Variants in HDAC4 observed in about 807,000 individuals in gnomAD.
HDAC4 encodes the protein histone deacetylase A.
HDAC4 carries 16 observed loss-of-function variants against 135.1 expected under a neutral mutation model. The observed-to-expected ratio is 0.12, with a 90% CI of 0.08 to 0.18. The LOEUF (loss-of-function observed/expected upper bound fraction) is 0.18. Ranked by LOEUF, HDAC4 falls within the 10% of genes least tolerant of loss-of-function variation. The probability of loss-of-function intolerance (pLI) is 1.00; values close to 1 mark genes in which losing one functional copy is unlikely to be tolerated. For missense variants in HDAC4, 1,143 were observed against 1,511.8 expected (o/e 0.76, Z 4.05); for synonymous variants, 685 against 653.4 (o/e 1.05, Z -0.74).
intron 3 of HDAC4, among the ~76,000 whole-genome samples, chr2:239,193,204 C>T (rs879936712): frequency 6.6e-6 from 1 of 152,246 alleles, no homozygotes; most frequent in African/African-American, 2.4e-5. Flanking sequence ...ACCACAGGCG[C>T]TGGGCAGAGG....
intron 1 of HDAC4, among the ~76,000 whole-genome samples, chr2:239,372,377 G>A (rs1183282151): frequency 2.6e-5 from 4 of 152,198 alleles, no homozygotes; most frequent in African/African-American, 9.6e-5. Flanking sequence ...TACAAAAGTC[G>A]TTGTTACCAC....
intron 22 of HDAC4, among the ~76,000 whole-genome samples, chr2:239,072,403 C>T (rs1388393584): frequency 6.6e-6 from 1 of 152,200 alleles, no homozygotes; most frequent in African/African-American, 2.4e-5. Flanking sequence ...GTCCCCTCAC[C>T]AAGCCCTTGT....
At chr2:239,273,076 C>T (rs2050143842) in intron 2 of HDAC4, among the ~76,000 whole-genome samples, 1 of 152,098 alleles carries the variant, frequency 6.6e-6, no homozygotes, top group Non-Finnish European at 1.5e-5. Context: ...GATGCTCAAA[C>T]GGACTTTACA....
rs193260162 is a variant in HDAC4, at chr2:239,054,869, A to C, written c.3004-36T>G. On this transcript the variant is annotated intron_variant, in intron 24 of 26. Transcript: ENST00000543185. ...ATGCATAAGAATATAAAGACTGCCAATATAATCCACACGTGCGTTAGACGG... is the reference window on the plus strand; with the variant it reads ...ATGCATAAGAATATAAAGACTGCCACTATAATCCACACGTGCGTTAGACGG... 1.5e-4 allele frequency: 205 copies of C among 1,397,716 alleles called. No homozygotes were observed. The African/African-American group carries it at 2.7e-3, about 18-fold the overall frequency. The allele number at this position is 1,397,716 out of a possible 1,614,324, so 86.6% of individuals were successfully genotyped here. A position where few individuals can be genotyped will look rare whatever the true frequency, so the allele number is the denominator to read the frequency against.
At position 239,285,456 on chromosome 2, in the gene HDAC4, G is replaced by A. The variant is rs1413904331; in HGVS notation, c.23-48792C>T. On this transcript the variant is annotated intron_variant, in intron 2 of 26. Transcript: ENST00000543185. This position sits in a 1 kb window ranked among gnomAD's most constrained non-coding sequence, Gnocchi z 4.5. ...AGGCTGGGGCTTCGCTAGTGTGCGG[G>A]GAGGCAGAGGAGCAGTGCCGGCTGC... 1.3e-5 allele frequency among the ~76,000 whole-genome samples: 2 copies of A among 152,202 alleles called. No homozygotes were observed. The highest frequency in any genetic ancestry group is 2.9e-5 in the Non-Finnish European group (2 of 68,032).
Position 239,240,004 on chromosome 2 carries a change from C to T in HDAC4, c.23-3340G>A, listed in dbSNP as rs764006427. ...CCACAGTCTCTTTAAGACAAGATCC[C>T]GGCCTGAGCCGTCCTTGGTCGTCCA... On this transcript the variant is annotated intron_variant, in intron 2 of 26. Coordinates refer to ENST00000543185, the MANE Select transcript of HDAC4 (RefSeq NM_001378414.1). This position sits in a 1 kb window ranked among gnomAD's most constrained non-coding sequence, Gnocchi z 4.5. Among the ~76,000 whole-genome samples the T allele has an allele frequency of 3.3e-5, 5 of 152,242 alleles. No individual in the cohort carries two copies. The highest frequency in any genetic ancestry group is 5.9e-5 in the Non-Finnish European group (4 of 68,042).
intron 3 of HDAC4, among the ~76,000 whole-genome samples, chr2:239,204,213 G>C (rs1453302117): frequency 6.6e-6 from 1 of 152,206 alleles, no homozygotes; most frequent in Non-Finnish European, 1.5e-5. Flanking sequence ...GGCCGGCCGT[G>C]TCCCGGCGTC....
intron 2 of HDAC4, among the ~76,000 whole-genome samples, chr2:239,326,487 G>A (rs548888035): frequency 3.9e-5 from 6 of 152,144 alleles, no homozygotes; most frequent in African/African-American, 1.2e-4. Context: ...TGAACTGTGC[G>A]CTTCAAAATG....
chr2:239,083,156 G>A (rs2035521512), intron 20 of HDAC4, among the ~76,000 whole-genome samples: 1 of 152,242 alleles, frequency 6.6e-6, no homozygotes, highest in South Asian at 2.1e-4. Flanking sequence ...TGTGTACATG[G>A]GCAATATCAC....
chr2:239,068,918 G>A lies in HDAC4; in HGVS notation c.2751-311C>T, dbSNP rs1247803489. 60 of 272,782 alleles carry A rather than the reference G, an allele frequency of 2.2e-4. 1 individual carries two copies. Among genetic ancestry groups the A allele is most frequent in the East Asian group, 1.3e-3 (15 of 11,664 alleles). The allele number at this position is 272,782 out of a possible 1,614,324, so 16.9% of individuals were successfully genotyped here. Reference sequence around the variant, plus strand: ...CACTGCACTTGCTTGGTGAGAGGGAGTCACGGTGCAAGCCAGCAAGCCCCA... The same window carrying A: ...CACTGCACTTGCTTGGTGAGAGGGAATCACGGTGCAAGCCAGCAAGCCCCA... On this transcript the variant is annotated intron_variant, in intron 22 of 26. Coordinates refer to ENST00000543185, the MANE Select transcript of HDAC4 (RefSeq NM_001378414.1). The surrounding 1 kb of genome is among the most constrained non-coding windows in gnomAD (Gnocchi z 4.4).
chr2:239,245,760 C>T lies in HDAC4; in HGVS notation c.23-9096G>A, dbSNP rs887658586. On this transcript the variant is annotated intron_variant, in intron 2 of 26. Transcript: ENST00000543185. This position sits in a 1 kb window ranked among gnomAD's most constrained non-coding sequence, Gnocchi z 4.4. ...TTTCAAGAGATGCCAGGAATAAAGA[C>T]GAGCCTGCCCCCACCTTCTATTCAA... Among the ~76,000 whole-genome samples the T allele has an allele frequency of 3.9e-5, 6 of 152,142 alleles. No individual in the cohort carries two copies. Among genetic ancestry groups the T allele is most frequent in the African/African-American group, 9.7e-5 (4 of 41,416 alleles).
intron 2 of HDAC4, among the ~76,000 whole-genome samples, chr2:239,350,378 G>A (rs565988087): frequency 1.1e-4 from 16 of 151,214 alleles, no homozygotes; most frequent in Non-Finnish European, 1.9e-4. Flanking sequence ...CCAAGAAATC[G>A]AGCAGACAGA....
chr2:239,208,097 C>A (rs189328150), intron 3 of HDAC4, among the ~76,000 whole-genome samples: 4 of 151,376 alleles, frequency 2.6e-5, no homozygotes, highest in East Asian at 1.9e-4. Flanking sequence ...CTGAGACAGG[C>A]GGATCACGAG....
chr2:239,297,633 G>T (rs2051989075), intron 2 of HDAC4, among the ~76,000 whole-genome samples: 1 of 152,178 alleles, frequency 6.6e-6, no homozygotes, highest in Admixed American at 6.5e-5. Context: ...GAGGCCTGGG[G>T]ATGCCAGGCC....
chr2:239,383,397 C>T (rs1365200385), intron 1 of HDAC4, among the ~76,000 whole-genome samples: 2 of 152,140 alleles, frequency 1.3e-5, no homozygotes, highest in Non-Finnish European at 2.9e-5. Flanking sequence ...AGCTGCCTCT[C>T]GGGAGATGGA....
At chr2:239,091,776 G>A (rs1008298475) in intron 17 of HDAC4, 1 of 152,146 alleles carries the variant, frequency 6.6e-6, no homozygotes, top group African/African-American at 2.4e-5. Flanking sequence ...TTAGCCAGAT[G>A]TGGGCCGGGC....
At chr2:239,284,434 G>A (rs573462801) in intron 2 of HDAC4, among the ~76,000 whole-genome samples, 94 of 152,254 alleles carry the variant, frequency 6.2e-4, no homozygotes, top group Non-Finnish European at 1.2e-3. Flanking sequence ...GCGGGGCCTC[G>A]GGGAGCATCG....
intron 3 of HDAC4, among the ~76,000 whole-genome samples, chr2:239,229,412 T>C (rs1482502495): frequency 3.9e-5 from 6 of 152,182 alleles, no homozygotes; most frequent in Non-Finnish European, 7.3e-5. Context: ...CTCTCAACAT[T>C]AGTTTGAACT....
chr2:239,188,961 G>A (rs575829576), intron 4 of HDAC4, among the ~76,000 whole-genome samples: 2 of 152,338 alleles, frequency 1.3e-5, no homozygotes, highest in African/African-American at 2.4e-5. Context: ...CAACATAATG[G>A]GAGACCCCAT....
Sources: gnomAD v4.1 joint callset for allele counts (sites outside exome capture counted in the v4.1 genomes callset) on GRCh38, gnomAD v4.1.1 for gene constraint, Gnocchi (gnomAD v3.1) non-coding constraint, MANE v1.5 for transcripts, NCBI Gene and HGNC (gene_info 2026-07-23, HGNC 2026-07-21) for gene names.